Variants in EXD3 observed in about 807,000 individuals in gnomAD.
EXD3 encodes exonuclease 3'-5' domain containing 3.
EXD3 carries 92 observed loss-of-function variants against 98.0 expected under a neutral mutation model. That is an observed-to-expected ratio of 0.94 (90% confidence interval 0.79 to 1.12). The LOEUF (loss-of-function observed/expected upper bound fraction) is 1.12. Ranked by LOEUF, EXD3 falls within the 50% of genes most tolerant of loss-of-function variation. The probability of loss-of-function intolerance (pLI) is 0.00; values close to 1 mark genes in which losing one functional copy is unlikely to be tolerated. For synonymous variants in EXD3, 569 were observed against 526.0 expected (o/e 1.08, Z -1.12); for missense variants, 1,222 against 1,191.6 (o/e 1.03, Z -0.38).
chr9:137,340,443 C>T (rs1833588410), intron 17 of EXD3, among the ~76,000 whole-genome samples: 1 of 151,964 alleles, frequency 6.6e-6, no homozygotes, highest in East Asian at 1.9e-4. Flanking sequence ...CATCACTGCA[C>T]TCCAGCCTGG....
At position 137,407,610 on chromosome 9, in the gene EXD3, G is replaced by T. The variant is rs1387350326; in HGVS notation, c.-47-12206C>A. ...CCTTCAGAGGGTCCCTGACAGGGAA[G>T]GATGGAGACGCAGCTCCAGACCCCA... On this transcript the variant is annotated intron_variant, in intron 1 of 21. Coordinates refer to ENST00000340951, the MANE Select transcript of EXD3 (RefSeq NM_017820.5). This position sits in a 1 kb window ranked among gnomAD's most constrained non-coding sequence, Gnocchi z 4.4. Among the ~76,000 whole-genome samples, 3 of 152,234 alleles carry T rather than the reference G, an allele frequency of 2.0e-5. No homozygotes were observed. Among genetic ancestry groups the T allele is most frequent in the Admixed American group, 2.0e-4 (3 of 15,292 alleles).
At chr9:137,372,544 C>T (rs1201843627) in intron 5 of EXD3, among the ~76,000 whole-genome samples, 5 of 152,374 alleles carry the variant, frequency 3.3e-5, no homozygotes, top group South Asian at 4.1e-4. Flanking sequence ...GTTCCGGAGG[C>T]GCAGAGGCTA....
At chr9:137,374,965 G>A in intron 3 of EXD3, 2 of 565,740 alleles carry the variant, frequency 3.5e-6, no homozygotes, top group Non-Finnish European at 4.5e-6. Context: ...TAGCTCTAGT[G>A]AGTTCCAGCT....
intron 17 of EXD3, among the ~76,000 whole-genome samples, chr9:137,327,397 T>G (rs934277598): frequency 6.6e-6 from 1 of 152,056 alleles, no homozygotes; most frequent in Non-Finnish European, 1.5e-5. Flanking sequence ...CCTCCCAAAG[T>G]GCTGGGATTA....
Position 137,403,178 on chromosome 9 carries a change from T to C in EXD3, c.-47-7774A>G, listed in dbSNP as rs1413551681. Among the ~76,000 whole-genome samples the C allele has an allele frequency of 6.6e-6, 1 of 151,932 alleles. No individual in the cohort carries two copies. The highest frequency in any genetic ancestry group is 1.5e-5 in the Non-Finnish European group (1 of 67,986). On this transcript the variant is annotated intron_variant, in intron 1 of 21. Transcript: ENST00000340951. This position sits in a 1 kb window ranked among gnomAD's most constrained non-coding sequence, Gnocchi z 6.1. ...CTCCCCTCCATGGCAGTGTGGGGAC[T>C]GCTATGCATATCTGAAAGTGAGGCA...
At chr9:137,344,833 TA>T (rs1391695963) in intron 17 of EXD3, among the ~76,000 whole-genome samples, 1 of 151,500 alleles carries the variant, frequency 6.6e-6, no homozygotes, top group Non-Finnish European at 1.5e-5. Flanking sequence ...CATTTCACCA[TA>T]AGCAGCAGAA....
At chr9:137,329,861 CACAGGACTAT>C (rs1344455779) in intron 17 of EXD3, among the ~76,000 whole-genome samples, 1 of 147,882 alleles carries the variant, frequency 6.8e-6, no homozygotes, top group African/African-American at 2.6e-5. Context: ...CACAGGACTA[CACAGGACTAT>C]GCAGGACCAC....
At position 137,333,075 on chromosome 9, in the gene EXD3, C is replaced by T. The variant is rs145713074; in HGVS notation, c.1999-8932G>A. On this transcript the variant is annotated intron_variant, in intron 17 of 21. Transcript: ENST00000340951. ...CTGCCAGTACGGCTAGAATAAAGCACGCAGGAGAAGATGGAAGAGCAGACT... is the reference window on the plus strand; with the variant it reads ...CTGCCAGTACGGCTAGAATAAAGCATGCAGGAGAAGATGGAAGAGCAGACT... 5.5e-3 allele frequency among the ~76,000 whole-genome samples: 839 copies of T among 152,222 alleles called. 8 individuals are homozygous for T. The highest frequency in any genetic ancestry group is 0.018 in the South Asian group (85 of 4,826).
chr9:137,340,333 T>C (rs554142476), intron 17 of EXD3, among the ~76,000 whole-genome samples: 4 of 151,942 alleles, frequency 2.6e-5, no homozygotes, highest in Non-Finnish European at 5.9e-5. Flanking sequence ...AAAAATTAGC[T>C]GGGTGTGGCG....
At chr9:137,387,007 G>C in intron 2 of EXD3, among the ~76,000 whole-genome samples, 1 of 133,544 alleles carries the variant, frequency 7.5e-6, no homozygotes, top group African/African-American at 3.0e-5. Context: ...CCCGCTCCCT[G>C]CCTGGCCCCC....
At chr9:137,344,865 C>T (rs1452027500) in intron 17 of EXD3, among the ~76,000 whole-genome samples, 1 of 151,942 alleles carries the variant, frequency 6.6e-6, no homozygotes, top group Non-Finnish European at 1.5e-5. Flanking sequence ...CTGCACCTTC[C>T]ACTGTCTGGA....
chr9:137,319,195 G>C (rs1444253130), intron 19 of EXD3, among the ~76,000 whole-genome samples: 1 of 152,236 alleles, frequency 6.6e-6, no homozygotes, highest in East Asian at 1.9e-4. Context: ...CAGCCTGAGC[G>C]TGCCGCTCTC....
At chr9:137,366,284 G>T (rs916380761) in intron 7 of EXD3, 2 of 734,032 alleles carry the variant, frequency 2.7e-6, no homozygotes, top group East Asian at 2.7e-5. Flanking sequence ...TTTTCACTCG[G>T]GAGAAGAGGG....
chr9:137,338,934 C>T (rs896855062), intron 17 of EXD3, among the ~76,000 whole-genome samples: 2 of 150,460 alleles, frequency 1.3e-5, no homozygotes, highest in African/African-American at 4.9e-5. Context: ...CACATCTCTG[C>T]GAGAGCATGA....
chr9:137,381,620 C>T (rs1036073954), intron 3 of EXD3, among the ~76,000 whole-genome samples: 5 of 152,200 alleles, frequency 3.3e-5, no homozygotes, highest in African/African-American at 4.8e-5. Context: ...TCCTCTCTCA[C>T]GTTAGAGGAA....
At chr9:137,309,475 G>A (rs536641471) in intron 20 of EXD3, 132 bp downstream of exon 20, 3 of 719,490 alleles carry the variant, frequency 4.2e-6, no homozygotes, top group Non-Finnish European at 4.6e-6. Flanking sequence ...TTTTCCACCT[G>A]TCGTCACCTG....
At chr9:137,337,023 T>G (rs1833387844) in intron 17 of EXD3, among the ~76,000 whole-genome samples, 1 of 152,066 alleles carries the variant, frequency 6.6e-6, no homozygotes, top group Non-Finnish European at 1.5e-5. Context: ...ACACACCTAC[T>G]ATATAAAAGA....
Position 137,408,546 on chromosome 9 carries a change from C to CAAAAAAAAAAAAAAAAAAAA in EXD3, c.-47-13143_-47-13142insTTTTTTTTTTTTTTTTTTTT, listed in dbSNP as rs570243090. ...TGGGCGATAGAGTGAGACTCTGCCTCAAAAAAAAAAAAAAAAAAAGAGGGC... is the reference window on the plus strand; with the variant it reads ...TGGGCGATAGAGTGAGACTCTGCCTCAAAAAAAAAAAAAAAAAAAAAAAAAAAAAAAAAAAAAAAGAGGGC... On this transcript the variant is annotated intron_variant, in intron 1 of 21. Coordinates refer to ENST00000340951, the MANE Select transcript of EXD3 (RefSeq NM_017820.5). 9.9e-3 allele frequency among the ~76,000 whole-genome samples: 440 copies of CAAAAAAAAAAAAAAAAAAAA among 44,344 alleles called. 51 individuals carry two copies. Among genetic ancestry groups the CAAAAAAAAAAAAAAAAAAAA allele is most frequent in the African/African-American group, 0.014 (128 of 9,316 alleles). The allele number at this position is 44,344 out of a possible 152,430, so 29.1% of individuals were successfully genotyped here.
At position 137,403,798 on chromosome 9, in the gene EXD3, T is replaced by C. The variant is rs1401775965; in HGVS notation, c.-47-8394A>G. Among the ~76,000 whole-genome samples, 1 of 152,124 alleles carries C rather than the reference T, an allele frequency of 6.6e-6. No individual in the cohort carries two copies. Among genetic ancestry groups the C allele is most frequent in the Non-Finnish European group, 1.5e-5 (1 of 68,026 alleles). On this transcript the variant is annotated intron_variant, in intron 1 of 21. Coordinates refer to ENST00000340951, the MANE Select transcript of EXD3 (RefSeq NM_017820.5). The surrounding 1 kb of genome is among the most constrained non-coding windows in gnomAD (Gnocchi z 6.1). ...CCTTCTCAGAAGGCCCTCTCCACCA[T>C]GCCCAGAACCGTGGATGCCCCAGCC...
Sources: allele counts gnomAD v4.1 joint callset (sites outside exome capture counted in the v4.1 genomes callset), GRCh38; gene constraint gnomAD v4.1.1; non-coding constraint Gnocchi (gnomAD v3.1); transcripts MANE v1.5; gene names NCBI Gene and HGNC (gene_info 2026-07-23, HGNC 2026-07-21).